RGPD4: variants seen among roughly 807,000 people sequenced by gnomAD.
The protein encoded by RGPD4 is ranBP2-like and GRIP domain-containing protein 4.
In RGPD4, 84 loss-of-function variants were observed where a neutral mutation model predicts 141.1. The observed-to-expected ratio is 0.60, with a 90% CI of 0.50 to 0.71. The LOEUF (loss-of-function observed/expected upper bound fraction) is 0.71. RGPD4 is among the 30% of genes least tolerant of loss of function. RGPD4 has a pLI of 0.00. For synonymous variants in RGPD4, 298 were observed against 566.8 expected (o/e 0.53, Z 6.74); for missense variants, 918 against 1,622.4 (o/e 0.57, Z 7.46).
At position 107,871,833 on chromosome 2, in the gene RGPD4, C is replaced by T. The variant is rs748877594; in HGVS notation, c.3829C>T (p.Pro1277Ser). The T allele has an allele frequency of 1.2e-6, 2 of 1,611,488 alleles. No individual in the cohort carries two copies. Among genetic ancestry groups the T allele is most frequent in the Non-Finnish European group, 1.7e-6 (2 of 1,179,832 alleles). ...ACATGCTTCTCCATTGGCAAGTAGC[C>T]CTGTGAGAAAAAATCTTTTCCATTT... ...SVHASPLASS[P>S]VRKNLFHFGE... is the part of the protein sequence containing the mutation. The change falls in exon 20 of 23, where the codon CCT becomes TCT. Residue 1277 changes from proline to serine, a missense_variant. Physicochemically the swap from Pro to Ser is moderately conservative, Grantham distance 74. Transcript: ENST00000408999.
chr2:107,828,042 G>C (rs1573452936), intron 1 of RGPD4, among the ~76,000 whole-genome samples: 1 of 59,110 alleles, frequency 1.7e-5, no homozygotes, highest in African/African-American at 7.3e-5. Context: ...AGGCGTCATG[G>C]CTCCCGACGG....
At chr2:107,831,747 G>A (rs1866638) in intron 1 of RGPD4, among the ~76,000 whole-genome samples, 231 of 145,656 alleles carry the variant, frequency 1.6e-3, no homozygotes, top group African/African-American at 5.5e-3. Context: ...ATTTTTTAGT[G>A]TTTTTAGTAG....
Position 107,872,829 on chromosome 2 carries a change from G to T in RGPD4, c.4825G>T (p.Asp1609Tyr). 6.2e-7 allele frequency: 1 copy of T among 1,607,464 alleles called. No individual in the cohort carries two copies. Among genetic ancestry groups the T allele is most frequent in the African/African-American group, 1.4e-5 (1 of 73,026 alleles). ...PKKCELSKNS[D>Y]IEQSSDSKVK... The stretch of plus-strand genomic sequence containing the variant: ...AAAATGTGAACTGTCAAAGAACTCT[G>T]ATATCGAACAGTCTTCAGATAGCAA... Residue 1609 changes from aspartate to tyrosine, a missense_variant, in exon 20 of 23, where the codon GAT (aspartate) becomes TAT (tyrosine). Physicochemically the swap from Asp to Tyr is radical, Grantham distance 160. Transcript: ENST00000408999.
intron 21 of RGPD4, among the ~76,000 whole-genome samples, chr2:107,881,822 A>G (rs2261458): frequency 2.0e-5 from 3 of 151,552 alleles, no homozygotes; most frequent in African/African-American, 7.3e-5. Flanking sequence ...TTTTTATATC[A>G]TTCTTTGCCT....
chr2:107,862,424 T>C (rs1342177925), intron 15 of RGPD4, among the ~76,000 whole-genome samples: 1 of 152,006 alleles, frequency 6.6e-6, no homozygotes, highest in Non-Finnish European at 1.5e-5. Flanking sequence ...AATCAGAAGA[T>C]GTTAGATTGT....
chr2:107,829,882 T>G (rs969046458), intron 1 of RGPD4, among the ~76,000 whole-genome samples: 17 of 151,780 alleles, frequency 1.1e-4, no homozygotes, highest in African/African-American at 3.6e-4. Flanking sequence ...TCCCATCTCC[T>G]GGACATTTAC....
chr2:107,884,062 G>A (rs921421398), intron 22 of RGPD4, among the ~76,000 whole-genome samples: 20 of 151,490 alleles, frequency 1.3e-4, no homozygotes, highest in Non-Finnish European at 2.5e-4. Context: ...ATCCTAAATA[G>A]GGCTCATATA....
At chr2:107,834,473 T>C (rs1177821211) in intron 1 of RGPD4, among the ~76,000 whole-genome samples, 1 of 152,148 alleles carries the variant, frequency 6.6e-6, no homozygotes, top group Non-Finnish European at 1.5e-5. Context: ...TGCTCCGTCC[T>C]ACCCAGGACA....
At chr2:107,881,911 A>G (rs1419915545) in intron 21 of RGPD4, among the ~76,000 whole-genome samples, 1 of 151,736 alleles carries the variant, frequency 6.6e-6, no homozygotes, top group East Asian at 1.9e-4. Context: ...AGTGCCGTTC[A>G]CTGTGGACGT....
rs1332784078 is a variant in RGPD4, at chr2:107,875,251, G to T, written c.4924+2323G>T. Among the ~76,000 whole-genome samples the T allele has an allele frequency of 9.0e-5, 6 of 66,344 alleles. 2 individuals are homozygous for T. Among genetic ancestry groups the T allele is most frequent in the African/African-American group, 3.2e-4 (4 of 12,334 alleles). The allele number at this position is 66,344 out of a possible 152,430, so 43.5% of individuals were successfully genotyped here. ...CAGTTAAAAAGGGAAACAGATGAAA[G>T]TAACTTTATCGATAGATTTGATTTA... On this transcript the variant is annotated intron_variant, in intron 20 of 22. Coordinates refer to ENST00000408999, the MANE Select transcript of RGPD4 (RefSeq NM_182588.3).
At chr2:107,845,050 C>CTTTTTTTTTTTTTTTT (rs1339634458) in intron 6 of RGPD4, among the ~76,000 whole-genome samples, 3 of 133,628 alleles carry the variant, frequency 2.2e-5, no homozygotes, top group South Asian at 2.5e-4. Flanking sequence ...CTCAATCTCT[C>CTTTTTTTTTTTTTTTT]TTTTTTTTTT....
At chr2:107,875,247 GA>G (rs1323808887) in intron 20 of RGPD4, among the ~76,000 whole-genome samples, 3 of 67,234 alleles carry the variant, frequency 4.5e-5, no homozygotes, top group Non-Finnish European at 9.5e-5. Flanking sequence ...GGAAACAGAT[GA>G]AAGTAACTTT....
chr2:107,875,598 A>T (rs1330149444), intron 20 of RGPD4, among the ~76,000 whole-genome samples: 1 of 145,780 alleles, frequency 6.9e-6, no homozygotes, highest in African/African-American at 2.6e-5. Context: ...TGCATATAGA[A>T]GTTTTTTCTG....
chr2:107,883,275 T>A (rs977322152), intron 22 of RGPD4: 1 of 411,450 alleles, frequency 2.4e-6, no homozygotes, highest in Admixed American at 2.7e-5. Flanking sequence ...GACAATGGAG[T>A]CATATAGCCC....
rs1302682569 is a variant in RGPD4 at position 107,829,222 on chromosome 2, G to A, written c.72+2137G>A. Among the ~76,000 whole-genome samples, 2 of 21,740 alleles carry A rather than the reference G, an allele frequency of 9.2e-5. 1 individual carries two copies. The highest frequency in any genetic ancestry group is 2.1e-4 in the Non-Finnish European group (2 of 9,422). 14.3% of individuals were successfully genotyped at this position (21,740 alleles called of 152,430 possible). ...CGGCCTCCATGGCTCAGGCGTCATG[G>A]CTCCCGACGGGCGCTGCTCCCTGGC... On this transcript the variant is annotated intron_variant, in intron 1 of 22. Coordinates refer to ENST00000408999, the MANE Select transcript of RGPD4 (RefSeq NM_182588.3).
chr2:107,827,320 TCGACCCGGCCCGGCGGCGGCC>T (rs1681241758), intron 1 of RGPD4, among the ~76,000 whole-genome samples: 3 of 138,218 alleles, frequency 2.2e-5, no homozygotes, highest in East Asian at 4.6e-4. Flanking sequence ...GGCGGCGGCC[TCGACCCGGCCCGGCGGCGGCC>T]TCGATGGCTC....
At position 107,880,238 on chromosome 2, in the gene RGPD4, C is replaced by A. The variant is rs1299609844; in HGVS notation, c.5064+131C>A. 3.4e-5 allele frequency: 31 copies of A among 918,516 alleles called. No individual in the cohort carries two copies. The African/African-American group carries it at 5.3e-4, about 16-fold the overall frequency. The allele number at this position is 918,516 out of a possible 1,614,324, so 56.9% of individuals were successfully genotyped here. A position where few individuals can be genotyped will look rare whatever the true frequency, so the allele number is the denominator to read the frequency against. ...AACGTCTTGATCTTTATATTAGATT[C>A]CTGATGGTGAGAAATATTGCCTTTT... is the stretch of plus-strand genomic sequence containing the variant. On this transcript the variant is annotated intron_variant, in intron 21 of 22. Coordinates refer to ENST00000408999, the MANE Select transcript of RGPD4 (RefSeq NM_182588.3).
chr2:107,841,554 T>C (rs1220346269), intron 4 of RGPD4, among the ~76,000 whole-genome samples: 1 of 65,504 alleles, frequency 1.5e-5, no homozygotes, highest in African/African-American at 6.5e-5. Flanking sequence ...AGTCAAAGAC[T>C]AGGGCTTTTG....
In RGPD4 at chr2:107,848,549, C is replaced by T; in HGVS notation, c.978+13C>T. 8.3e-6 allele frequency: 1 copy of T among 120,150 alleles called. No individual in the cohort carries two copies. The highest frequency in any genetic ancestry group is 2.0e-4 in the Admixed American group (1 of 4,886). The allele number at this position is 120,150 out of a possible 1,614,324, so 7.4% of individuals were successfully genotyped here. On this transcript the variant is annotated intron_variant, in intron 7 of 22. Coordinates refer to ENST00000408999, the MANE Select transcript of RGPD4 (RefSeq NM_182588.3). ...CATAGCATTTCAGGTAAGTCTTCCA[C>T]TTGGAGCAATTGACATTTCACGGAG...
Sources: gnomAD v4.1 joint callset for allele counts (sites outside exome capture counted in the v4.1 genomes callset) on GRCh38, gnomAD v4.1.1 for gene constraint, MANE v1.5 for transcripts, NCBI Gene and HGNC (gene_info 2026-07-23, HGNC 2026-07-21) for gene names.